The following CSMD1 variants were observed in gnomAD, a reference collection of about 807,000 sequenced individuals.
CSMD1 encodes CUB and sushi domain-containing protein 1.
In CSMD1, 213 loss-of-function variants were observed where a neutral mutation model predicts 417.5. The ratio of observed to expected loss-of-function variants is 0.51; its 90% CI spans 0.46 to 0.57. CSMD1 has a LOEUF of 0.57. Among genes scored for constraint, CSMD1 ranks in the 20% least tolerant of loss-of-function variants. The probability of loss-of-function intolerance (pLI) is 0.00; values close to 1 mark genes in which losing one functional copy is unlikely to be tolerated. For synonymous variants in CSMD1, 2,862 were observed against 1,736.8 expected (o/e 1.65, Z -16.11); for missense variants, 6,923 against 4,529.7 (o/e 1.53, Z -15.17).
At position 4,362,350 on chromosome 8, in the gene CSMD1, C is replaced by G. The variant is rs149786705; in HGVS notation, c.415+57603G>C. ...CTGAACCTTGAGACCCCAAGCTCAT[C>G]TGTCTGCCCCCTGCACTCATAGTGG... is the stretch of plus-strand genomic sequence containing the variant. On this transcript the variant is annotated intron_variant, in intron 3 of 69. Coordinates refer to ENST00000635120, the MANE Select transcript of CSMD1 (RefSeq NM_033225.6). Among the ~76,000 whole-genome samples, 736 of 152,246 alleles carry G rather than the reference C, an allele frequency of 4.8e-3. 8 individuals are homozygous for G. The East Asian group carries it at 0.054, about 11-fold the overall frequency.
At chr8:4,477,460 T>G (rs1027889907) in intron 2 of CSMD1, among the ~76,000 whole-genome samples, 3 of 152,190 alleles carry the variant, frequency 2.0e-5, no homozygotes, top group Non-Finnish European at 4.4e-5. Context: ...ACACATGATT[T>G]TCAGATATTT....
At chr8:4,787,433 G>A (rs1482331438) in intron 1 of CSMD1, 1 of 756,732 alleles carries the variant, frequency 1.3e-6, no homozygotes, top group Non-Finnish European at 2.4e-6. Flanking sequence ...CAAGATTACA[G>A]CAGGAAATGT....
intron 5 of CSMD1, among the ~76,000 whole-genome samples, chr8:3,790,805 C>T (rs911919717): frequency 1.3e-5 from 2 of 152,070 alleles, no homozygotes; most frequent in African/African-American, 2.4e-5. Context: ...ACATTGAGGT[C>T]GATAATGGGA....
At chr8:3,497,598 C>T (rs2117323829) in intron 10 of CSMD1, among the ~76,000 whole-genome samples, 1 of 152,260 alleles carries the variant, frequency 6.6e-6, no homozygotes. Context: ...TCCATGTTAT[C>T]TGATAAAAGT....
rs9683714 is a variant in CSMD1 at position 3,288,346 on chromosome 8, A to G, written c.3951-4000T>C. 4.1e-5 allele frequency among the ~76,000 whole-genome samples: 6 copies of G among 146,870 alleles called. 2 individuals are homozygous for G. The highest frequency in any genetic ancestry group is 2.0e-4 in the East Asian group (1 of 5,092). On this transcript the variant is annotated intron_variant, in intron 25 of 69. Transcript: ENST00000635120. The stretch of plus-strand genomic sequence containing the variant: ...ACGAGGGAGGATTCCTTCTTTTTCT[A>G]TTGATTGGAATAGTTTCAGAAGGAA...
chr8:3,325,559 C>G (rs890748610), intron 23 of CSMD1, among the ~76,000 whole-genome samples: 1 of 152,190 alleles, frequency 6.6e-6, no homozygotes, highest in East Asian at 1.9e-4. Flanking sequence ...CATGCTGGCT[C>G]ACGCCTGTAA....
At chr8:4,022,677 G>C (rs755973012) in intron 4 of CSMD1, among the ~76,000 whole-genome samples, 1 of 152,136 alleles carries the variant, frequency 6.6e-6, no homozygotes, top group Non-Finnish European at 1.5e-5. Context: ...GGTAGATTTG[G>C]GGGAAATGAA....
Position 4,463,805 on chromosome 8 carries a change from C to T in CSMD1, c.303-43740G>A, listed in dbSNP as rs554630037. The stretch of plus-strand genomic sequence containing the variant: ...CTGGGTTTTTTGCATTAAACATCTT[C>T]CAAAAATAACTGTGGTGATGAATGC... On this transcript the variant is annotated intron_variant, in intron 2 of 69. Transcript: ENST00000635120. Among the ~76,000 whole-genome samples, 89 of 152,086 alleles carry T rather than the reference C, an allele frequency of 5.9e-4. 1 individual carries two copies. The highest frequency in any genetic ancestry group is 2.1e-3 in the African/African-American group (89 of 41,478).
At chr8:4,848,475 C>A (rs1038192365) in intron 1 of CSMD1, among the ~76,000 whole-genome samples, 1 of 151,918 alleles carries the variant, frequency 6.6e-6, no homozygotes, top group African/African-American at 2.4e-5. Context: ...GATGTTGGTG[C>A]AAACAAATCT....
chr8:3,088,578 G>C (rs1274394550), intron 48 of CSMD1, among the ~76,000 whole-genome samples: 1 of 152,026 alleles, frequency 6.6e-6, no homozygotes, highest in Non-Finnish European at 1.5e-5. Flanking sequence ...GTTCCTACGA[G>C]AAGTGTCCTC....
intron 3 of CSMD1, among the ~76,000 whole-genome samples, chr8:4,103,142 A>G (rs1208224811): frequency 6.6e-6 from 1 of 152,170 alleles, no homozygotes; most frequent in African/African-American, 2.4e-5. Flanking sequence ...GTTATTTTGC[A>G]AAGTAGCCAC....
chr8:4,648,928 C>T (rs934178397), intron 1 of CSMD1, among the ~76,000 whole-genome samples: 12 of 152,190 alleles, frequency 7.9e-5, no homozygotes, highest in Non-Finnish European at 1.3e-4. Flanking sequence ...TTTCAGTCTG[C>T]AATGAAGCCA....
At chr8:3,458,833 G>T (rs1445159077) in intron 12 of CSMD1, among the ~76,000 whole-genome samples, 2 of 152,148 alleles carry the variant, frequency 1.3e-5, no homozygotes, top group African/African-American at 2.4e-5. Flanking sequence ...ATAAAATGGG[G>T]CTCTTTCTCA....
intron 2 of CSMD1, among the ~76,000 whole-genome samples, chr8:4,591,908 C>T (rs956078238): frequency 6.6e-6 from 1 of 152,040 alleles, no homozygotes; most frequent in Non-Finnish European, 1.5e-5. Context: ...GGCAGACATT[C>T]TGAGGGACTT....
intron 5 of CSMD1, among the ~76,000 whole-genome samples, chr8:3,874,120 A>G (rs13259787): frequency 0.096 from 14,670 of 152,192 alleles, 742 homozygotes; most frequent in South Asian, 0.16. Context: ...CCCTCTCTCC[A>G]GGAGGCCTAC....
chr8:3,649,283 G>C (rs934768395), intron 7 of CSMD1, among the ~76,000 whole-genome samples: 1 of 151,992 alleles, frequency 6.6e-6, no homozygotes, highest in Non-Finnish European at 1.5e-5. Flanking sequence ...TACTATGTGA[G>C]AACCAAGAAA....
intron 10 of CSMD1, among the ~76,000 whole-genome samples, chr8:3,555,553 T>C (rs987645502): frequency 2.0e-5 from 3 of 152,218 alleles, no homozygotes; most frequent in Non-Finnish European, 2.9e-5. Flanking sequence ...ACTTAAACGC[T>C]TGCTTCACTG....
chr8:3,192,596 G>T (rs1465275460), intron 33 of CSMD1, among the ~76,000 whole-genome samples: 1 of 152,202 alleles, frequency 6.6e-6, no homozygotes, highest in Non-Finnish European at 1.5e-5. Flanking sequence ...AGAGAGGCAC[G>T]AGAAGCAGCA....
chr8:4,856,002 G>A (rs978751142), intron 1 of CSMD1, among the ~76,000 whole-genome samples: 6 of 151,676 alleles, frequency 4.0e-5, no homozygotes, highest in Non-Finnish European at 8.8e-5. Flanking sequence ...AAATGTTAAG[G>A]GCAGCCAGAG....
Sources: gnomAD v4.1 joint callset for allele counts (sites outside exome capture counted in the v4.1 genomes callset) on GRCh38, gnomAD v4.1.1 for gene constraint, MANE v1.5 for transcripts, NCBI Gene and HGNC (gene_info 2026-07-23, HGNC 2026-07-21) for gene names.